The following RSF1 variants were observed in gnomAD, a reference collection of about 807,000 sequenced individuals.
RSF1 encodes remodeling and spacing factor 1, also known as HBV pX-associated protein 8.
In RSF1, 13 loss-of-function variants were observed where a neutral mutation model predicts 145.2. That is an observed-to-expected ratio of 0.09 (90% CI 0.06 to 0.14). The LOEUF (loss-of-function observed/expected upper bound fraction) is 0.14, where lower values mean the gene tolerates loss of function less well. RSF1 is among the 10% of genes least tolerant of loss of function. RSF1 has a pLI of 1.00. For synonymous variants in RSF1, 577 were observed against 592.6 expected (o/e 0.97, Z 0.38); for missense variants, 1,517 against 1,718.2 (o/e 0.88, Z 2.07).
At chr11:77,741,552 A>T (rs77788116) in intron 3 of RSF1, among the ~76,000 whole-genome samples, 1 of 149,672 alleles carries the variant, frequency 6.7e-6, no homozygotes, top group Non-Finnish European at 1.5e-5. Flanking sequence ...AAAATGTTTC[A>T]TTTTTTTTTT....
chr11:77,756,202 A>G (rs1361910782), intron 2 of RSF1, among the ~76,000 whole-genome samples: 2 of 151,954 alleles, frequency 1.3e-5, no homozygotes, highest in Non-Finnish European at 2.9e-5. Context: ...AGCTAAAAAT[A>G]CAAAATTAGC....
the RSF1 span, chr11:77,868,628 A>T: frequency 1.3e-5 from 2 of 151,424 alleles, no homozygotes; most frequent in African/African-American, 4.9e-5. Context: ...GGTGTGAGCC[A>T]CCATACCTGG....
At chr11:77,859,179 A>C in the RSF1 span, among the ~76,000 whole-genome samples, 1 of 152,036 alleles carries the variant, frequency 6.6e-6, no homozygotes, top group African/African-American at 2.4e-5. Context: ...TCCCCATTCT[A>C]TTTCTTCTTT....
chr11:77,842,626 G>T, the RSF1 span: 1 of 1,613,712 alleles, frequency 6.2e-7, no homozygotes, highest in South Asian at 1.1e-5. Flanking sequence ...AACAGGAACT[G>T]AGGTAAGATA....
chr11:77,683,839 A>T lies in RSF1; in HGVS notation c.2956-20T>A. 1 of 1,562,322 alleles carries T rather than the reference A, an allele frequency of 6.4e-7. No individual in the cohort carries two copies. The highest frequency in any genetic ancestry group is 8.8e-7 in the Non-Finnish European group (1 of 1,139,142). On this transcript the variant is annotated intron_variant, in intron 10 of 15. Transcript: ENST00000308488. Reference sequence around the variant, plus strand: ...TGGCTCCTTAAAAAATATGATAATAAGCATAGAGGTTATTCCTTATGCAGA... The same window carrying T: ...TGGCTCCTTAAAAAATATGATAATATGCATAGAGGTTATTCCTTATGCAGA...
the RSF1 span, chr11:77,842,640 G>C: frequency 6.2e-7 from 1 of 1,613,240 alleles, no homozygotes; most frequent in South Asian, 1.1e-5. Context: ...TAAGATATTA[G>C]TCTTTGGTTG....
At chr11:77,775,861 C>A (rs1948337179) in intron 1 of RSF1, among the ~76,000 whole-genome samples, 1 of 152,196 alleles carries the variant, frequency 6.6e-6, no homozygotes, top group African/African-American at 2.4e-5. Context: ...CAGCCTCAAA[C>A]TCCTAGGCTC....
intron 1 of RSF1, among the ~76,000 whole-genome samples, chr11:77,770,382 G>C (rs1590876809): frequency 6.6e-6 from 1 of 152,212 alleles, no homozygotes; most frequent in African/African-American, 2.4e-5. Flanking sequence ...TTGAACCTGG[G>C]AGGCGGAGGA....
intron 1 of RSF1, among the ~76,000 whole-genome samples, chr11:77,804,806 G>C (rs552166965): frequency 1.3e-5 from 2 of 152,296 alleles, no homozygotes; most frequent in South Asian, 4.1e-4. Context: ...CTCCAGCCGG[G>C]GTAACAGAGC....
At chr11:77,746,483 C>T (rs1948003474) in intron 3 of RSF1, among the ~76,000 whole-genome samples, 1 of 152,128 alleles carries the variant, frequency 6.6e-6, no homozygotes, top group African/African-American at 2.4e-5. Flanking sequence ...GTAGCAAAAA[C>T]TTCATTAATG....
rs1451611770 is a variant in RSF1, at chr11:77,675,162, G to A, written c.3436C>T (p.Arg1146Cys). The A allele has an allele frequency of 1.9e-6, 3 of 1,614,038 alleles. No homozygotes were observed. Among genetic ancestry groups the A allele is most frequent in the Non-Finnish European group, 2.5e-6 (3 of 1,180,008 alleles). ...NDDSDTDFCS[R>C]RLRRHPSRPM... ...CGAGAGGGGTGTCGCCTCAGTCTAC[G>A]GCTACAAAAGTCAGTGTCACTGTCA... Residue 1146 changes from arginine (R) to cysteine (C), a missense_variant, in exon 14 of 16, where the codon CGT becomes TGT. Arg to Cys is a radical substitution (Grantham distance 180). Around this residue, in one of 12 missense-constraint regions of RSF1, gnomAD observed 231 missense variants for 276.6 expected, o/e 0.84. Coordinates refer to ENST00000308488, the MANE Select transcript of RSF1 (RefSeq NM_016578.4).
At chr11:77,676,385 T>C (rs567147695) in intron 13 of RSF1, among the ~76,000 whole-genome samples, 2 of 152,204 alleles carry the variant, frequency 1.3e-5, no homozygotes, top group East Asian at 3.9e-4. Flanking sequence ...AAGCCTTTCT[T>C]GATCTTCTAT....
chr11:77,785,841 G>A (rs920823454), intron 1 of RSF1, among the ~76,000 whole-genome samples: 2 of 145,518 alleles, frequency 1.4e-5, no homozygotes, highest in South Asian at 2.2e-4. Context: ...CAGGAGAATG[G>A]CGTGAACCTG....
chr11:77,857,607 T>G, the RSF1 span, among the ~76,000 whole-genome samples: 1 of 152,138 alleles, frequency 6.6e-6, no homozygotes, highest in Non-Finnish European at 1.5e-5. Context: ...TACTTTAAGT[T>G]CTCGGATACA....
intron 4 of RSF1, among the ~76,000 whole-genome samples, chr11:77,727,393 G>A (rs930941509): frequency 3.3e-5 from 5 of 151,628 alleles, no homozygotes; most frequent in African/African-American, 1.2e-4. Context: ...CTGAAGTTAT[G>A]CACCATAACA....
At chr11:77,820,264 CCGCCTCCAGCCCACACCTAGCCCGCAA>C (rs1315633720) in intron 1 of RSF1, among the ~76,000 whole-genome samples, 1 of 152,180 alleles carries the variant, frequency 6.6e-6, no homozygotes, top group Admixed American at 6.5e-5. Context: ...TGACCCCTCC[CCGCCTCCAGCCCACACCTAGCCCGCAA>C]CGCCTCCACC....
Position 77,811,067 on chromosome 11 carries a change from G to GT in RSF1, c.187+9460dup, listed in dbSNP as rs748850823. ...CACCATACCCAGCCCAATACTTTAG[G>GT]TTTTGAAGTTATATGTTCTCTGTGA... is the stretch of plus-strand genomic sequence containing the variant. On this transcript the variant is annotated intron_variant, in intron 1 of 15. Coordinates refer to ENST00000308488, the MANE Select transcript of RSF1 (RefSeq NM_016578.4). Among the ~76,000 whole-genome samples the GT allele has an allele frequency of 2.0e-5, 3 of 152,232 alleles. No homozygotes were observed. The East Asian group carries it at 5.8e-4, about 29-fold the overall frequency.
intron 1 of RSF1, among the ~76,000 whole-genome samples, chr11:77,819,493 A>C (rs558701259): frequency 6.6e-6 from 1 of 152,356 alleles, no homozygotes; most frequent in Admixed American, 6.5e-5. Flanking sequence ...GGCCGGGCAG[A>C]GCATGCGCCC....
chr11:77,668,397 A>G (rs1337339778), intron 15 of RSF1, among the ~76,000 whole-genome samples: 4 of 152,198 alleles, frequency 2.6e-5, no homozygotes, highest in Non-Finnish European at 5.9e-5. Flanking sequence ...CTAGTACACA[A>G]ATTAGGTTAT....
Sources: gnomAD v4.1 joint callset for allele counts (sites outside exome capture counted in the v4.1 genomes callset) on GRCh38, gnomAD v4.1.1 for gene constraint, gnomAD v4.1.1 regional missense constraint, MANE v1.5 for transcripts, NCBI Gene and HGNC (gene_info 2026-07-23, HGNC 2026-07-21) for gene names.